SLC35D4: variants seen among roughly 807,000 people sequenced by gnomAD.
The protein encoded by SLC35D4 is solute carrier family 35 member D4, also known as UDP-N-acetylglucosamine transporter SLC35D4.
the SLC35D4 span, chr18:23,252,990 G>C: frequency 2.5e-6 from 4 of 1,613,552 alleles, no homozygotes; most frequent in Non-Finnish European, 3.4e-6. Context: ...GAAGCCCTCG[G>C]ATCTCAAGAA....
the SLC35D4 span, among the ~76,000 whole-genome samples, chr18:23,275,019 TTG>T: frequency 6.7e-6 from 1 of 148,682 alleles, no homozygotes; most frequent in South Asian, 2.2e-4. Context: ...ATGTGTGTGC[TTG>T]TGTGTCTGCT....
At chr18:23,257,397 T>G in the SLC35D4 span, 2 of 1,559,846 alleles carry the variant, frequency 1.3e-6, no homozygotes, top group South Asian at 2.4e-5. Context: ...CAAGGGCCAT[T>G]TCTTCTCAGC....
chr18:23,424,436 G>A, the SLC35D4 span, among the ~76,000 whole-genome samples: 7 of 152,194 alleles, frequency 4.6e-5, no homozygotes, highest in Admixed American at 4.6e-4. Flanking sequence ...GAATACTCCA[G>A]TGACAAAATG....
chr18:23,298,217 A>G, the SLC35D4 span: 4 of 875,670 alleles, frequency 4.6e-6, no homozygotes, highest in Non-Finnish European at 5.3e-6. Context: ...GGTCAAGCCC[A>G]GGAATCGCTC....
the SLC35D4 span, among the ~76,000 whole-genome samples, chr18:23,262,991 G>A: frequency 6.6e-6 from 1 of 152,170 alleles, no homozygotes; most frequent in Non-Finnish European, 1.5e-5. Flanking sequence ...TGGTGCTTAG[G>A]AGGACTCGAT....
chr18:23,361,803 C>T, the SLC35D4 span, among the ~76,000 whole-genome samples: 4 of 152,162 alleles, frequency 2.6e-5, no homozygotes, highest in Admixed American at 6.5e-5. Context: ...GTATCCCTTC[C>T]GGCATAATTA....
the SLC35D4 span, among the ~76,000 whole-genome samples, chr18:23,307,760 T>C: frequency 8.5e-5 from 13 of 152,202 alleles, no homozygotes; most frequent in Admixed American, 8.5e-4. Context: ...GGCAGGGCAG[T>C]GTGGCCTTTT....
At chr18:23,271,971 T>A in the SLC35D4 span, among the ~76,000 whole-genome samples, 570 of 152,336 alleles carry the variant, frequency 3.7e-3, 3 homozygotes, top group African/African-American at 0.013. Context: ...GCTGTTCATC[T>A]GGATCCTTTG....
chr18:23,294,844 A>G, the SLC35D4 span, among the ~76,000 whole-genome samples: 1 of 152,218 alleles, frequency 6.6e-6, no homozygotes, highest in East Asian at 1.9e-4. Flanking sequence ...AAACAAATAC[A>G]GGCTTGCTAG....
the SLC35D4 span, among the ~76,000 whole-genome samples, chr18:23,274,507 T>C: frequency 1.3e-5 from 2 of 152,200 alleles, no homozygotes; most frequent in Non-Finnish European, 2.9e-5. Context: ...GGTCAAATAT[T>C]GCCTGAGTTT....
At chr18:23,390,724 C>T in the SLC35D4 span, among the ~76,000 whole-genome samples, 1 of 152,164 alleles carries the variant, frequency 6.6e-6, no homozygotes, top group East Asian at 1.9e-4. Context: ...GAGGTGTGAA[C>T]GACTCCCCTA....
the SLC35D4 span, among the ~76,000 whole-genome samples, chr18:23,278,653 G>A: frequency 7.9e-5 from 12 of 152,120 alleles, no homozygotes; most frequent in Admixed American, 4.6e-4. Flanking sequence ...AATGCTACGC[G>A]TGAAATCATG....
At chr18:23,381,514 A>G in the SLC35D4 span, among the ~76,000 whole-genome samples, 6 of 152,092 alleles carry the variant, frequency 3.9e-5, no homozygotes, top group Admixed American at 6.6e-5. Context: ...CTCCATCTGT[A>G]TTTTCTACAA....
chr18:23,321,788 C>T, the SLC35D4 span, among the ~76,000 whole-genome samples: 44 of 152,286 alleles, frequency 2.9e-4, no homozygotes, highest in African/African-American at 9.9e-4. Context: ...ACTTCCCATT[C>T]AGCAACAATT....
At chr18:23,348,938 A>G in the SLC35D4 span, among the ~76,000 whole-genome samples, 4 of 152,322 alleles carry the variant, frequency 2.6e-5, no homozygotes, top group African/African-American at 7.2e-5. Flanking sequence ...ATAGTTTTGC[A>G]TATATCAAAT....
At chr18:23,309,647 T>C in the SLC35D4 span, 68,595 of 1,599,782 alleles carry the variant, frequency 0.043, 3,924 homozygotes, top group Admixed American at 0.25. Flanking sequence ...CAGTAACTAA[T>C]TGGCACTTTA....
chr18:23,344,110 G>C, the SLC35D4 span, among the ~76,000 whole-genome samples: 3 of 152,220 alleles, frequency 2.0e-5, no homozygotes, highest in East Asian at 5.8e-4. Flanking sequence ...TCAAACTCCT[G>C]ACCTCAGGTG....
chr18:23,364,902 C>CAAAAA, the SLC35D4 span, among the ~76,000 whole-genome samples: 116 of 31,882 alleles, frequency 3.6e-3, 12 homozygotes, highest in African/African-American at 5.8e-3. Flanking sequence ...GACTCTGTCT[C>CAAAAA]AAAAAAAAAA....
the SLC35D4 span, among the ~76,000 whole-genome samples, chr18:23,321,962 G>A: frequency 3.3e-4 from 50 of 152,326 alleles, no homozygotes; most frequent in Non-Finnish European, 6.9e-4. Context: ...GACTATGGCA[G>A]GCTGGAGGCG....
Sources: allele counts gnomAD v4.1 joint callset (sites outside exome capture counted in the v4.1 genomes callset), GRCh38; gene constraint gnomAD v4.1.1; transcripts MANE v1.5; gene names NCBI Gene and HGNC (gene_info 2026-07-23, HGNC 2026-07-21).